TNNI3K: variants seen among roughly 807,000 people sequenced by gnomAD.
TNNI3K encodes serine/threonine-protein kinase TNNI3K.
TNNI3K carries 140 observed loss-of-function variants against 114.5 expected under a neutral mutation model. The observed-to-expected ratio is 1.22, with a 90% CI of 1.07 to 1.41. The LOEUF is 1.41. Ranked by LOEUF, TNNI3K falls within the 40% of genes most tolerant of loss-of-function variation. TNNI3K has a pLI of 0.00. For synonymous variants in TNNI3K, 347 were observed against 347.5 expected, an observed-to-expected ratio of 1.00 and a Z score of 0.02; for missense variants, 1,125 against 1,007.6, an observed-to-expected ratio of 1.12 and a Z score of -1.58.
chr1:74,314,342 T>A (rs1659175633), intron 5 of TNNI3K, among the ~76,000 whole-genome samples: 1 of 151,988 alleles, frequency 6.6e-6, no homozygotes, highest in Non-Finnish European at 1.5e-5. Context: ...GCACTGAAAT[T>A]TTTTTAACTC....
chr1:74,402,715 C>T (rs1664429710), intron 17 of TNNI3K, among the ~76,000 whole-genome samples: 1 of 152,134 alleles, frequency 6.6e-6, no homozygotes, highest in Non-Finnish European at 1.5e-5. Flanking sequence ...GACTGAAGTC[C>T]CTGTTTCCCT....
chr1:74,333,633 A>T (rs1660325261), intron 6 of TNNI3K, among the ~76,000 whole-genome samples: 1 of 152,228 alleles, frequency 6.6e-6, no homozygotes, highest in Non-Finnish European at 1.5e-5. Context: ...GCACATAAGT[A>T]ATTTATGGAG....
chr1:74,284,103 G>A (rs750085056), intron 5 of TNNI3K, among the ~76,000 whole-genome samples: 10 of 151,914 alleles, frequency 6.6e-5, no homozygotes, highest in Non-Finnish European at 1.5e-5. Flanking sequence ...CCCTTAATTA[G>A]GAATACATTG....
chr1:74,529,315 T>C (rs77880626), intron 23 of TNNI3K, among the ~76,000 whole-genome samples: 1,708 of 152,294 alleles, frequency 0.011, 41 homozygotes, highest in African/African-American at 0.04. Flanking sequence ...CCTTCTGTGA[T>C]ACTGCCCTCC....
intron 4 of TNNI3K, among the ~76,000 whole-genome samples, chr1:74,264,528 T>G (rs892666501): frequency 1.3e-5 from 2 of 152,118 alleles, no homozygotes; most frequent in East Asian, 3.9e-4. Flanking sequence ...ACTTTAACAA[T>G]TGCTATGCTG....
intron 19 of TNNI3K, among the ~76,000 whole-genome samples, chr1:74,437,115 A>G (rs186885462): frequency 4.6e-5 from 7 of 152,104 alleles, no homozygotes; most frequent in Admixed American, 3.9e-4. Flanking sequence ...ATAACTAATT[A>G]CCTAAGGCTG....
chr1:74,241,951 G>A (rs1198689260), intron 2 of TNNI3K, among the ~76,000 whole-genome samples: 2 of 150,240 alleles, frequency 1.3e-5, no homozygotes, highest in African/African-American at 2.4e-5. Flanking sequence ...CTGGATTCAC[G>A]CCATTCTCCT....
intron 5 of TNNI3K, among the ~76,000 whole-genome samples, chr1:74,305,404 A>G (rs1199320678): frequency 2.0e-5 from 3 of 152,208 alleles, no homozygotes; most frequent in Non-Finnish European, 4.4e-5. Flanking sequence ...GCTGGGAAGA[A>G]TTTGGGTTGT....
At chr1:74,364,198 T>C (rs1662139264) in intron 11 of TNNI3K, among the ~76,000 whole-genome samples, 1 of 151,294 alleles carries the variant, frequency 6.6e-6, no homozygotes, top group African/African-American at 2.4e-5. Flanking sequence ...GAAATAGGGG[T>C]CATGCTATGT....
intron 11 of TNNI3K, among the ~76,000 whole-genome samples, chr1:74,356,383 C>G (rs181975579): frequency 4.1e-4 from 63 of 152,238 alleles, no homozygotes; most frequent in Admixed American, 1.9e-3. Context: ...GGTTGCATTT[C>G]TATTAGATAT....
At chr1:74,264,887 C>T (rs918974403) in intron 4 of TNNI3K, among the ~76,000 whole-genome samples, 1 of 152,074 alleles carries the variant, frequency 6.6e-6, no homozygotes, top group East Asian at 1.9e-4. Context: ...AGTTTATAAG[C>T]ATTTGCACAT....
intron 20 of TNNI3K, among the ~76,000 whole-genome samples, chr1:74,441,691 G>A (rs968166275): frequency 4.6e-5 from 7 of 152,088 alleles, no homozygotes; most frequent in Non-Finnish European, 8.8e-5. Flanking sequence ...TTAGGCATTT[G>A]AGTGGGGGTA....
chr1:74,346,011 C>T (rs1185623603), intron 9 of TNNI3K: 1 of 152,118 alleles, frequency 6.6e-6, no homozygotes, highest in Non-Finnish European at 1.5e-5. Context: ...CTTTCTCACA[C>T]CTGGAAAGAA....
At chr1:74,347,489 G>T (rs1661079098) in intron 9 of TNNI3K, among the ~76,000 whole-genome samples, 3 of 152,224 alleles carry the variant, frequency 2.0e-5, no homozygotes, top group Non-Finnish European at 2.9e-5. Context: ...ATAGCAGCAT[G>T]ATTTATAATC....
chr1:74,310,218 C>A (rs1658906625), intron 5 of TNNI3K, among the ~76,000 whole-genome samples: 2 of 151,962 alleles, frequency 1.3e-5, no homozygotes, highest in Admixed American at 6.6e-5. Context: ...AAGAGCCACA[C>A]ACAAAATAAA....
intron 17 of TNNI3K, among the ~76,000 whole-genome samples, chr1:74,411,298 T>A (rs959592499): frequency 6.6e-6 from 1 of 152,320 alleles, no homozygotes. Context: ...TATAAACCAT[T>A]TGGGATGCAG....
chr1:74,245,439 C>T (rs1654494092), intron 2 of TNNI3K, among the ~76,000 whole-genome samples: 1 of 152,154 alleles, frequency 6.6e-6, no homozygotes, highest in Admixed American at 6.5e-5. Context: ...TCTTGAGGTC[C>T]ACGGTGCTCC....
At chr1:74,336,431 T>C (rs1255689059) in intron 7 of TNNI3K, among the ~76,000 whole-genome samples, 2 of 152,128 alleles carry the variant, frequency 1.3e-5, no homozygotes, top group Non-Finnish European at 2.9e-5. Context: ...ACATGTGCCA[T>C]GCTGGTGCGC....
intron 21 of TNNI3K, among the ~76,000 whole-genome samples, chr1:74,485,959 C>T (rs1459928645): frequency 2.0e-5 from 3 of 152,116 alleles, no homozygotes; most frequent in African/African-American, 7.2e-5. Flanking sequence ...TGATTTCAGC[C>T]TAGTGAAACT....
Sources: allele counts gnomAD v4.1 joint callset (sites outside exome capture counted in the v4.1 genomes callset), GRCh38; gene constraint gnomAD v4.1.1; transcripts MANE v1.5; gene names NCBI Gene and HGNC (gene_info 2026-07-23, HGNC 2026-07-21).